Variants in MMS19 observed in about 807,000 individuals in gnomAD.
MMS19 encodes the protein MMS19 cytosolic iron-sulfur assembly component.
Under a neutral mutation model 129.8 loss-of-function variants are expected in MMS19, and 77 were observed. That is an observed-to-expected ratio of 0.59 (90% confidence interval 0.49 to 0.72). The LOEUF is 0.72. Among genes scored for constraint, MMS19 ranks in the 30% least tolerant of loss-of-function variants. The pLI, the probability that MMS19 is intolerant of heterozygous loss-of-function variation, is 0.00. For missense variants in MMS19, 1,168 were observed against 1,266.3 expected, an observed-to-expected ratio of 0.92 and a Z score of 1.18; for synonymous variants, 491 against 502.8, an observed-to-expected ratio of 0.98 and a Z score of 0.31.
Position 97,458,373 on chromosome 10 carries a change from C to T in MMS19, c.*319G>A, listed in dbSNP as rs1022322112. On this transcript the variant is annotated 3_prime_UTR_variant, in exon 31 of 31. Transcript: ENST00000438925. ...CAGCAGGTAGACAACATCTGCCAGC[C>T]CTGGTCCTCAGGGCCACACTCATAT... 3.5e-6 allele frequency: 1 copy of T among 282,084 alleles called. No individual in the cohort carries two copies. The highest frequency in any genetic ancestry group is 6.6e-6 in the Non-Finnish European group (1 of 152,274). 17.5% of individuals were successfully genotyped at this position (282,084 alleles called of 1,614,324 possible). A position where few individuals can be genotyped will look rare whatever the true frequency, so the allele number is the denominator to read the frequency against.
chr10:97,459,668 C>T lies in MMS19; in HGVS notation c.2730G>A (p.Glu910=). 6.2e-7 allele frequency: 1 copy of T among 1,612,016 alleles called. No individual in the cohort carries two copies. The highest frequency in any genetic ancestry group is 1.1e-5 in the South Asian group (1 of 90,514). The change falls in exon 27 of 31, where the codon GAG becomes GAA. Residue 910 remains glutamate, a synonymous_variant. Transcript: ENST00000438925. ...NRLPKPVLLP[E]LPTLLSLLLE... ...TGCCTGTGGGACTTACCGTGGGCAG[C>T]TCTGGCAAGAGTACAGGCTTGGGCA...
Position 97,464,243 on chromosome 10 carries a change from T to C in MMS19, c.1757-230A>G, listed in dbSNP as rs544972038. On this transcript the variant is annotated intron_variant, in intron 18 of 30. Transcript: ENST00000438925. Reference sequence around the variant, plus strand: ...GCAGCAGAAGCACTTGTATATATTCTCTCCTTATTTTTCATAACAACCTTA... The same window carrying C: ...GCAGCAGAAGCACTTGTATATATTCCCTCCTTATTTTTCATAACAACCTTA... 4.8e-4 allele frequency among the ~76,000 whole-genome samples: 73 copies of C among 152,280 alleles called. 4 individuals carry two copies. In the South Asian group the frequency reaches 0.014, roughly 29 times the overall value.
intron 1 of MMS19, among the ~76,000 whole-genome samples, chr10:97,495,282 C>T (rs1199425078): frequency 6.6e-6 from 1 of 152,216 alleles, no homozygotes; most frequent in Non-Finnish European, 1.5e-5. Context: ...GCCCAAGAGG[C>T]CTTTAACCCT....
intron 11 of MMS19, 137 bp downstream of exon 11, chr10:97,469,509 C>T (rs2034243800): frequency 1.5e-6 from 1 of 688,386 alleles, no homozygotes; most frequent in East Asian, 2.7e-5. Flanking sequence ...ATTATGTCCC[C>T]CTACTTGCCT....
In MMS19 at chr10:97,498,416, G is replaced by A. The variant is rs768547035; in HGVS notation, c.-32C>T. 3 of 1,572,516 alleles carry A rather than the reference G, an allele frequency of 1.9e-6. No individual in the cohort carries two copies. Among genetic ancestry groups the A allele is most frequent in the East Asian group, 2.3e-5 (1 of 42,932 alleles). ...AACTAGAGACCGTGGGAGGGGATAT[G>A]GGCGGTGGCTCGAGACGGGCTCTCC... On this transcript the variant is annotated 5_prime_UTR_variant, in exon 1 of 31. Transcript: ENST00000438925.
In MMS19 at chr10:97,460,376, G is replaced by A. The variant is rs116024545; in HGVS notation, c.2470-144C>T. Reference sequence around the variant, plus strand: ...GCAGGTGGACTGCTTGAGTCTAGGAGTCTGGGCAACATGGCCAAACCCAGT... The same window carrying A: ...GCAGGTGGACTGCTTGAGTCTAGGAATCTGGGCAACATGGCCAAACCCAGT... On this transcript the variant is annotated intron_variant, in intron 25 of 30. Transcript: ENST00000438925. 1,169 of 736,108 alleles carry A rather than the reference G, an allele frequency of 1.6e-3. 12 individuals carry two copies. In the African/African-American group the frequency reaches 0.018, roughly 11 times the overall value. 45.6% of individuals were successfully genotyped at this position (736,108 alleles called of 1,614,324 possible).
intron 1 of MMS19, among the ~76,000 whole-genome samples, chr10:97,495,405 G>C (rs1481840103): frequency 3.3e-5 from 5 of 152,184 alleles, no homozygotes; most frequent in Non-Finnish European, 7.3e-5. Context: ...GTGATCAAAG[G>C]GTGCTCCTTC....
rs1381592087 is a variant in MMS19, at chr10:97,466,493, T to A, written c.1505+11A>T. On this transcript the variant is annotated intron_variant, in intron 16 of 30. Transcript: ENST00000438925. ...AACAGCTTGCTCTATCTCATTGCTT[T>A]AAATTCTCACCAACTCTGGGAATCC... 3 of 1,607,498 alleles carry A rather than the reference T, an allele frequency of 1.9e-6. No individual in the cohort carries two copies. The highest frequency in any genetic ancestry group is 2.6e-6 in the Non-Finnish European group (3 of 1,174,108).
intron 1 of MMS19, among the ~76,000 whole-genome samples, chr10:97,489,467 T>G (rs1013926954): frequency 6.6e-6 from 1 of 152,244 alleles, no homozygotes; most frequent in African/African-American, 2.4e-5. Context: ...AGTTCCCGTA[T>G]AGCCATCACT....
At chr10:97,487,547 C>A (rs539394240) in intron 1 of MMS19, among the ~76,000 whole-genome samples, 5 of 152,064 alleles carry the variant, frequency 3.3e-5, no homozygotes, top group Admixed American at 6.5e-5. Flanking sequence ...TCTCGATCTC[C>A]TGACCTCATG....
chr10:97,489,200 G>A (rs560387000), intron 1 of MMS19, among the ~76,000 whole-genome samples: 281 of 152,298 alleles, frequency 1.8e-3, no homozygotes, highest in South Asian at 3.9e-3. Context: ...TACTGATAAT[G>A]AGTCAAGATC....
intron 26 of MMS19, 123 bp downstream of exon 26, chr10:97,459,923 G>A (rs2031260481): frequency 1.8e-6 from 2 of 1,113,624 alleles, no homozygotes; most frequent in Non-Finnish European, 2.6e-6. Context: ...TAGAAGTTTA[G>A]TCTTCTAGGC....
intron 3 of MMS19, among the ~76,000 whole-genome samples, chr10:97,479,411 G>A (rs1193825822): frequency 6.6e-6 from 1 of 152,156 alleles, no homozygotes; most frequent in East Asian, 1.9e-4. Flanking sequence ...CCTTGCTGCT[G>A]TTCCCCATTC....
intron 11 of MMS19, 140 bp downstream of exon 11, chr10:97,469,506 C>T (rs557263427): frequency 3.0e-6 from 2 of 677,246 alleles, no homozygotes; most frequent in South Asian, 1.8e-5. Flanking sequence ...AGAATTATGT[C>T]CCCCTACTTG....
At chr10:97,486,862 C>CATATATATATAT (rs148575472) in intron 1 of MMS19, among the ~76,000 whole-genome samples, 2,428 of 84,400 alleles carry the variant, frequency 0.029, 133 homozygotes, top group Non-Finnish European at 0.04. Flanking sequence ...ATTAAAGTGC[C>CATATATATATAT]ATATATATAT....
At position 97,478,200 on chromosome 10, in the gene MMS19, C is replaced by T; in HGVS notation, c.348+104G>A. ...ACACTAATTTAGTCCCACACTTGGG[C>T]ACCTGCTCCTCAGCATGTGAACCAT... On this transcript the variant is annotated intron_variant, in intron 4 of 30. Coordinates refer to ENST00000438925, the MANE Select transcript of MMS19 (RefSeq NM_022362.5). 5.7e-6 allele frequency: 5 copies of T among 883,102 alleles called. No homozygotes were observed. The South Asian group carries it at 6.2e-5, about 11-fold the overall frequency. 54.7% of individuals were successfully genotyped at this position (883,102 alleles called of 1,614,324 possible). A position where few individuals can be genotyped will look rare whatever the true frequency, so the allele number is the denominator to read the frequency against.
Position 97,462,638 on chromosome 10 carries a change from C to T in MMS19, c.1957G>A (p.Val653Met). 2 of 1,613,942 alleles carry T rather than the reference C, an allele frequency of 1.2e-6. No individual in the cohort carries two copies. The highest frequency in any genetic ancestry group is 1.7e-6 in the Non-Finnish European group (2 of 1,179,878). Residue 653 changes from valine (V) to methionine (M), a missense_variant, in exon 20 of 31, where the codon GTG becomes ATG. Coordinates refer to ENST00000438925, the MANE Select transcript of MMS19 (RefSeq NM_022362.5). ...ATGACAGACACCATGGCAGCCAACA[C>T]CTCATCCTCCAATAGTACTTTTCTC... ...VLRKVLLEDE[V>M]LAAMVSVIGT...
chr10:97,466,861 T>A lies in MMS19; in HGVS notation c.1338A>T (p.Ser446=), dbSNP rs1384033920. 6.2e-7 allele frequency: 1 copy of A among 1,613,762 alleles called. No individual in the cohort carries two copies. The highest frequency in any genetic ancestry group is 1.3e-5 in the African/African-American group (1 of 74,920). ...GGTCTGTTAGAGCCATGAATACCAG[T>A]GAGCACAGCTGGTCCTTGAAGCCAT... ...PLNGFKDQLC[S]LVFMALTDPS... is the part of the protein sequence containing the mutation. Residue 446 remains serine, a synonymous_variant, in exon 15 of 31, where the codon TCA becomes TCT. Coordinates refer to ENST00000438925, the MANE Select transcript of MMS19 (RefSeq NM_022362.5).
intron 1 of MMS19, among the ~76,000 whole-genome samples, chr10:97,486,494 T>C (rs1041434842): frequency 6.6e-6 from 1 of 152,166 alleles, no homozygotes; most frequent in Non-Finnish European, 1.5e-5. Flanking sequence ...ATCCTGCCAC[T>C]TGGGACAACA....
Sources: allele counts gnomAD v4.1 joint callset (sites outside exome capture counted in the v4.1 genomes callset), GRCh38; gene constraint gnomAD v4.1.1; transcripts MANE v1.5; gene names NCBI Gene and HGNC (gene_info 2026-07-23, HGNC 2026-07-21).